Variants in DAB1 observed in about 807,000 individuals in gnomAD.
DAB1 encodes the protein DAB adaptor protein 1.
Under a neutral mutation model 64.6 loss-of-function variants are expected in DAB1, and 15 were observed. The ratio of observed to expected loss-of-function variants is 0.23; its 90% confidence interval spans 0.16 to 0.36. The LOEUF (loss-of-function observed/expected upper bound fraction) is 0.36, where lower values mean the gene tolerates loss of function less well. Ranked by LOEUF, DAB1 falls within the 10% of genes least tolerant of loss-of-function variation. DAB1 has a pLI of 1.00. For synonymous variants in DAB1, 235 were observed against 251.9 expected (o/e 0.93, Z 0.64); for missense variants, 596 against 706.7 (o/e 0.84, Z 1.78).
chr1:57,460,075 A>G (rs1181904042), intron 7 of DAB1, among the ~76,000 whole-genome samples: 2 of 152,200 alleles, frequency 1.3e-5, no homozygotes, highest in Non-Finnish European at 1.5e-5. Context: ...GGATTAGAAA[A>G]AGGCCCTCCT....
intron 7 of DAB1, among the ~76,000 whole-genome samples, chr1:57,629,667 G>A (rs1360300396): frequency 6.6e-6 from 1 of 151,580 alleles, no homozygotes; most frequent in African/African-American, 2.4e-5. Flanking sequence ...GAGCCTACTA[G>A]AGGCTCAAAT....
intron 1 of DAB1, among the ~76,000 whole-genome samples, chr1:57,388,861 T>A (rs1682106497): frequency 6.6e-6 from 1 of 152,194 alleles, no homozygotes; most frequent in African/African-American, 2.4e-5. Context: ...CACAAACTCC[T>A]CCTCTTGCTC....
chr1:58,196,310 C>T (rs1657674152), intron 4 of DAB1, among the ~76,000 whole-genome samples: 1 of 152,194 alleles, frequency 6.6e-6, no homozygotes, highest in African/African-American at 2.4e-5. Context: ...CAGGAGGAAA[C>T]AGGCTGGAGA....
rs1269891448 is a variant in DAB1, at chr1:57,795,756, C to T, written n.551+88243G>A. On this transcript the variant is annotated intron_variant and non_coding_transcript_variant, in intron 6 of 20. Transcript: ENST00000485760. ...ATATCATACACATGTATTTCAGCAA[C>T]ATGATATAGTGGGAGAAATACTAGT... 3.3e-5 allele frequency among the ~76,000 whole-genome samples: 4 copies of T among 120,886 alleles called. No homozygotes were observed. The East Asian group carries it at 9.1e-4, about 27-fold the overall frequency. The allele number at this position is 120,886 out of a possible 152,430, so 79.3% of individuals were successfully genotyped here.
intron 3 of DAB1, among the ~76,000 whole-genome samples, chr1:58,375,457 G>C (rs1170617296): frequency 1.5e-5 from 2 of 135,950 alleles, no homozygotes; most frequent in African/African-American, 5.6e-5. Context: ...TTTTGTCTTT[G>C]GTTCTGTTTA....
chr1:58,426,044 G>A (rs150941908), intron 3 of DAB1, among the ~76,000 whole-genome samples: 7 of 152,316 alleles, frequency 4.6e-5, no homozygotes, highest in African/African-American at 1.7e-4. Context: ...CAAAGTACAG[G>A]AGTGGAACTT....
At chr1:57,050,904 T>C (rs899736262) in intron 9 of DAB1, among the ~76,000 whole-genome samples, 1 of 152,168 alleles carries the variant, frequency 6.6e-6, no homozygotes, top group African/African-American at 2.4e-5. Flanking sequence ...TCAAATAGAA[T>C]AAGGGTTTCT....
In DAB1 at chr1:57,829,266, C is replaced by T. The variant is rs868336898; in HGVS notation, n.88-2811G>A. On this transcript the variant is annotated intron_variant and non_coding_transcript_variant, in intron 1 of 1. Transcript: ENST00000477280. Reference sequence around the variant, plus strand: ...AATTGTATTAAAAATTTAAGAAGTTCGCTTAAGAAAAATGAAGTATAAAAA... The same window carrying T: ...AATTGTATTAAAAATTTAAGAAGTTTGCTTAAGAAAAATGAAGTATAAAAA... Among the ~76,000 whole-genome samples, 20 of 152,222 alleles carry T rather than the reference C, an allele frequency of 1.3e-4. No homozygotes were observed. The Middle Eastern group carries it at 0.017, about 129-fold the overall frequency.
intron 4 of DAB1, among the ~76,000 whole-genome samples, chr1:57,129,399 C>T (rs565953656): frequency 2.6e-5 from 4 of 152,116 alleles, no homozygotes; most frequent in African/African-American, 9.6e-5. Context: ...CCAATTTTTC[C>T]CCTTAAAGGT....
chr1:58,063,503 T>C (rs568534223), intron 5 of DAB1, among the ~76,000 whole-genome samples: 3 of 152,144 alleles, frequency 2.0e-5, no homozygotes, highest in Non-Finnish European at 4.4e-5. Flanking sequence ...CAGCCTATGG[T>C]AGACAGAATT....
At chr1:58,163,020 C>A (rs183059374) in intron 4 of DAB1, among the ~76,000 whole-genome samples, 6 of 152,238 alleles carry the variant, frequency 3.9e-5, no homozygotes, top group Admixed American at 2.6e-4. Flanking sequence ...ACACGAGACA[C>A]CATCCCCCAA....
At chr1:57,422,189 G>C (rs1472185726) in intron 1 of DAB1, among the ~76,000 whole-genome samples, 3 of 152,156 alleles carry the variant, frequency 2.0e-5, no homozygotes, top group Non-Finnish European at 4.4e-5. Flanking sequence ...GTTAAGTGTT[G>C]TAAAGTGTAG....
intron 1 of DAB1, among the ~76,000 whole-genome samples, chr1:58,544,503 T>C (rs1484965882): frequency 6.6e-6 from 1 of 152,228 alleles, no homozygotes; most frequent in Non-Finnish European, 1.5e-5. Flanking sequence ...TATTTTCACC[T>C]TATATATTTC....
At chr1:58,023,079 A>C (rs1325454) in intron 5 of DAB1, among the ~76,000 whole-genome samples, 61,547 of 152,016 alleles carry the variant, frequency 0.4, 13,146 homozygotes, top group East Asian at 0.68. Context: ...CCTTTCCCCA[A>C]GTGCCCTTAC....
At chr1:58,424,402 T>C (rs1213902647) in intron 3 of DAB1, among the ~76,000 whole-genome samples, 2 of 152,148 alleles carry the variant, frequency 1.3e-5, no homozygotes, top group African/African-American at 2.4e-5. Context: ...GGGCATCCCA[T>C]GACCCAGTCA....
intron 1 of DAB1, among the ~76,000 whole-genome samples, chr1:57,357,620 G>A (rs539036579): frequency 1.1e-4 from 16 of 149,586 alleles, no homozygotes; most frequent in African/African-American, 3.0e-4. Flanking sequence ...ATGCTGCTAC[G>A]AAGAAATACC....
chr1:58,372,574 A>G (rs11580545), intron 3 of DAB1, among the ~76,000 whole-genome samples: 12,379 of 152,226 alleles, frequency 0.081, 678 homozygotes, highest in South Asian at 0.12. Context: ...TGAAAAGGAC[A>G]TGAGATTTGG....
intron 7 of DAB1, among the ~76,000 whole-genome samples, chr1:57,553,451 A>G (rs1368218019): frequency 2.4e-5 from 3 of 126,308 alleles, no homozygotes; most frequent in Admixed American, 8.3e-5. Context: ...AGAGAAAGAA[A>G]GAAAGAAAGA....
intron 5 of DAB1, among the ~76,000 whole-genome samples, chr1:57,963,763 C>T (rs1345651285): frequency 1.6e-4 from 2 of 12,878 alleles, no homozygotes; most frequent in Non-Finnish European, 4.9e-4. Context: ...CAGGGCAGCT[C>T]TCATCTGCTC....
Sources: gnomAD v4.1 joint callset for allele counts (sites outside exome capture counted in the v4.1 genomes callset) on GRCh38, gnomAD v4.1.1 for gene constraint, MANE v1.5 for transcripts, NCBI Gene and HGNC (gene_info 2026-07-23, HGNC 2026-07-21) for gene names.